Variants in EYA1 observed in about 807,000 individuals in gnomAD.
EYA1 encodes the protein EYA transcriptional coactivator and phosphatase 1.
In EYA1, 16 loss-of-function variants were observed where a neutral mutation model predicts 82.0. That is an observed-to-expected ratio of 0.20 (90% CI 0.13 to 0.30). EYA1 has a LOEUF of 0.30. EYA1 is among the 10% of genes least tolerant of loss of function. The probability of loss-of-function intolerance (pLI) is 1.00; values close to 1 mark genes in which losing one functional copy is unlikely to be tolerated. For missense variants in EYA1, 633 were observed against 730.7 expected (o/e 0.87, Z 1.54); for synonymous variants, 261 against 264.4 (o/e 0.99, Z 0.12).
intron 6 of EYA1, among the ~76,000 whole-genome samples, chr8:71,319,320 C>T (rs531818146): frequency 3.6e-4 from 54 of 152,014 alleles, no homozygotes; most frequent in East Asian, 7.8e-4. Flanking sequence ...TTAGTAGAGA[C>T]GGCGTTTCAC....
At chr8:71,369,694 T>C (rs763158293) in intron 2 of EYA1, among the ~76,000 whole-genome samples, 2 of 152,206 alleles carry the variant, frequency 1.3e-5, no homozygotes, top group Non-Finnish European at 2.9e-5. Context: ...AGGAGGTGCT[T>C]GGTGAATGTT....
chr8:71,389,734 A>T (rs1025511944), intron 2 of EYA1, among the ~76,000 whole-genome samples: 6 of 152,296 alleles, frequency 3.9e-5, no homozygotes, highest in South Asian at 2.1e-4. Flanking sequence ...TTCGTACAAG[A>T]TCATAACCTA....
At chr8:71,403,299 T>C (rs1830053536) in intron 2 of EYA1, 1 of 152,084 alleles carries the variant, frequency 6.6e-6, no homozygotes, top group Non-Finnish European at 1.5e-5. Context: ...CCAATAAACA[T>C]GAAAAGAAAT....
At chr8:71,494,744 T>C (rs542697072) in intron 2 of EYA1, among the ~76,000 whole-genome samples, 92 of 152,268 alleles carry the variant, frequency 6.0e-4, no homozygotes, top group Non-Finnish European at 8.7e-4. Context: ...ACACAGCTGC[T>C]TTAAGTCAAG....
At chr8:71,393,168 G>T (rs1468827914) in intron 2 of EYA1, among the ~76,000 whole-genome samples, 2 of 152,064 alleles carry the variant, frequency 1.3e-5, no homozygotes, top group Non-Finnish European at 2.9e-5. Context: ...TGTAAAATAT[G>T]CACTAAGCAC....
intron 1 of EYA1, among the ~76,000 whole-genome samples, chr8:71,536,316 T>C (rs528408787): frequency 1.1e-4 from 16 of 151,844 alleles, no homozygotes; most frequent in African/African-American, 3.6e-4. Flanking sequence ...AAAGCTAGAG[T>C]TGAGTGTTTT....
At chr8:71,452,929 G>C (rs1470089427) in intron 2 of EYA1, among the ~76,000 whole-genome samples, 2 of 152,224 alleles carry the variant, frequency 1.3e-5, no homozygotes, top group Non-Finnish European at 2.9e-5. Flanking sequence ...GAATGACTTT[G>C]ACAAGTTGAG....
chr8:71,492,462 A>T (rs543235335), intron 2 of EYA1, among the ~76,000 whole-genome samples: 2 of 124,356 alleles, frequency 1.6e-5, no homozygotes, highest in African/African-American at 3.1e-5. Flanking sequence ...TTATTTATTT[A>T]TTATTATTTT....
At chr8:71,406,193 T>G (rs1410254437) in intron 2 of EYA1, among the ~76,000 whole-genome samples, 1 of 152,112 alleles carries the variant, frequency 6.6e-6, no homozygotes, top group Non-Finnish European at 1.5e-5. Context: ...AAGAGAGAGA[T>G]GTAGGTAAGC....
intron 1 of EYA1, among the ~76,000 whole-genome samples, chr8:71,543,026 T>C (rs1177248127): frequency 2.0e-5 from 3 of 152,176 alleles, no homozygotes; most frequent in Non-Finnish European, 4.4e-5. Context: ...CTGTTGACAG[T>C]TTCCTTTGCT....
intron 12 of EYA1, among the ~76,000 whole-genome samples, chr8:71,236,330 T>G (rs958352312): frequency 2.8e-4 from 43 of 152,300 alleles, no homozygotes; most frequent in Admixed American, 2.8e-3. Flanking sequence ...CCACAGCACC[T>G]GGCCGAATTT....
At position 71,435,887 on chromosome 8, in the gene EYA1, TC is replaced by T. The variant is rs1289356863; in HGVS notation, c.34-79377del. 2.0e-5 allele frequency among the ~76,000 whole-genome samples: 3 copies of T among 152,158 alleles called. No homozygotes were observed. In the East Asian group the frequency reaches 5.8e-4, roughly 29 times the overall value. ...CTACAGTGCCAATTTTGGTAATGTT[TC>T]TCCACTCCATTGTTATGAGGTTCCA... On this transcript the variant is annotated intron_variant, in intron 2 of 18. Coordinates refer to the EYA1 transcript ENST00000643681.
chr8:71,328,588 A>G (rs1010900844), intron 4 of EYA1, among the ~76,000 whole-genome samples: 1 of 152,166 alleles, frequency 6.6e-6, no homozygotes, highest in African/African-American at 2.4e-5. Context: ...TTCAGATTCC[A>G]GATGTCACAA....
rs71264559 is a variant in EYA1 at position 71,472,788 on chromosome 8, G to GATATATATATATATATATATATATAT, written c.33+62930_33+62955dup. 1.2e-4 allele frequency among the ~76,000 whole-genome samples: 15 copies of GATATATATATATATATATATATATAT among 126,830 alleles called. No homozygotes were observed. In the East Asian group the frequency reaches 1.4e-3, roughly 12 times the overall value. 83.2% of individuals were successfully genotyped at this position (126,830 alleles called of 152,430 possible). On this transcript the variant is annotated intron_variant, in intron 2 of 18. Transcript: ENST00000643681. ...CATGCATTTTAGATGTAGCTTTGAA[G>GATATATATATATATATATATATATAT]ATATATATATATATATATATATATA...
intron 3 of EYA1, among the ~76,000 whole-genome samples, chr8:71,340,612 A>G (rs1825010773): frequency 6.6e-6 from 1 of 152,096 alleles, no homozygotes; most frequent in Admixed American, 6.5e-5. Context: ...GTGATCTAGT[A>G]CTCAGGGGTG....
At chr8:71,334,651 C>CA (rs1824279585) in intron 3 of EYA1, among the ~76,000 whole-genome samples, 1 of 152,172 alleles carries the variant, frequency 6.6e-6, no homozygotes, top group Admixed American at 6.5e-5. Context: ...CACACACACA[C>CA]ACCTTCTGGG....
intron 12 of EYA1, among the ~76,000 whole-genome samples, chr8:71,241,808 T>C (rs949049597): frequency 7.2e-6 from 1 of 138,128 alleles, no homozygotes; most frequent in Admixed American, 7.1e-5. Context: ...ATTATGCCAA[T>C]AGACATTTTT....
At chr8:71,483,877 G>A (rs1242199740) in intron 2 of EYA1, among the ~76,000 whole-genome samples, 1 of 152,162 alleles carries the variant, frequency 6.6e-6, no homozygotes, top group Non-Finnish European at 1.5e-5. Flanking sequence ...GAAATTGGAG[G>A]TGGGAAACAA....
rs562359906 is a variant in EYA1 at position 71,367,658 on chromosome 8, T to A, written c.34-11147A>T. On this transcript the variant is annotated intron_variant, in intron 2 of 18. Coordinates refer to the EYA1 transcript ENST00000643681. ...CAGTGCACTGCAATCGCATTGCTAT[T>A]GGAAAAACAACCAGAAGCACCATTA... Among the ~76,000 whole-genome samples, 17 of 152,242 alleles carry A rather than the reference T, an allele frequency of 1.1e-4. No individual in the cohort carries two copies. The South Asian group carries it at 3.3e-3, about 30-fold the overall frequency.
Sources: gnomAD v4.1 joint callset for allele counts (sites outside exome capture counted in the v4.1 genomes callset) on GRCh38, gnomAD v4.1.1 for gene constraint, MANE v1.5 for transcripts, NCBI Gene and HGNC (gene_info 2026-07-23, HGNC 2026-07-21) for gene names.